Variants in ZC3H7B observed in about 807,000 individuals in gnomAD.
ZC3H7B encodes the protein zinc finger CCCH domain-containing protein 7B.
A neutral mutation model predicts 116.0 loss-of-function variants in ZC3H7B; 35 were observed. That is an observed-to-expected ratio of 0.30 (90% CI 0.23 to 0.40). The LOEUF is 0.40. Ranked by LOEUF, ZC3H7B falls within the 10% of genes least tolerant of loss-of-function variation. ZC3H7B has a pLI of 1.00. For synonymous variants in ZC3H7B, 502 were observed against 545.6 expected (o/e 0.92, Z 1.11); for missense variants, 1,011 against 1,321.5 (o/e 0.77, Z 3.64).
intron 1 of ZC3H7B, 97 bp from the exon 2 acceptor site, chr22:41,320,558 G>A (rs561153588): frequency 7.4e-7 from 1 of 1,356,060 alleles, no homozygotes; most frequent in South Asian, 1.2e-5. Context: ...ATGAGAGTGG[G>A]AGTGAGAGCA....
chr22:41,345,455 G>T (rs1215170318), intron 13 of ZC3H7B, among the ~76,000 whole-genome samples: 1 of 151,916 alleles, frequency 6.6e-6, no homozygotes, highest in African/African-American at 2.4e-5. Flanking sequence ...CGTGGTGGCG[G>T]GTGCCTGTAA....
At chr22:41,339,458 T>C (rs1233459399) in intron 9 of ZC3H7B, among the ~76,000 whole-genome samples, 3 of 151,966 alleles carry the variant, frequency 2.0e-5, no homozygotes, top group African/African-American at 7.3e-5. Context: ...AAACCCCCTC[T>C]CTACTAAAAA....
chr22:41,321,722 A>G (rs1200428179), intron 2 of ZC3H7B, among the ~76,000 whole-genome samples: 1 of 152,062 alleles, frequency 6.6e-6, no homozygotes, highest in Admixed American at 6.6e-5. Context: ...TGCAGATGAG[A>G]AAGTTGAGAC....
At chr22:41,344,489 T>C (rs2036561358) in intron 13 of ZC3H7B, among the ~76,000 whole-genome samples, 1 of 152,174 alleles carries the variant, frequency 6.6e-6, no homozygotes, top group Admixed American at 6.5e-5. Flanking sequence ...CCTGATTCCG[T>C]CACACACGCT....
Position 41,356,490 on chromosome 22 carries a change from C to T in ZC3H7B, c.2517+14C>T. On this transcript the variant is annotated intron_variant, in intron 21 of 22. Transcript: ENST00000352645. ...GCGGACATCATGGTAACGCCTCCGCCCTGCATGCTCGGGGCTGCGGTCGGG... is the reference window on the plus strand; with the variant it reads ...GCGGACATCATGGTAACGCCTCCGCTCTGCATGCTCGGGGCTGCGGTCGGG... The T allele has an allele frequency of 1.9e-6, 3 of 1,613,780 alleles. No homozygotes were observed. The highest frequency in any genetic ancestry group is 2.5e-6 in the Non-Finnish European group (3 of 1,179,998).
chr22:41,339,835 T>G lies in ZC3H7B; in HGVS notation c.836T>G (p.Leu279Arg). The change falls in exon 10 of 23, where the codon CTG becomes CGG. Residue 279 changes from leucine to arginine, a missense_variant. This residue lies in a region of ZC3H7B where 322 missense variants were observed against 443.9 expected (regional missense o/e 0.73). Coordinates refer to ENST00000352645, the MANE Select transcript of ZC3H7B (RefSeq NM_017590.6). Reference sequence around the variant, plus strand: ...TCATAGTCTCTGGTCCAGGGTGGCCTGTCTGGCAGCGGCGTGCCTAGTGAG... The same window carrying G: ...TCATAGTCTCTGGTCCAGGGTGGCCGGTCTGGCAGCGGCGTGCCTAGTGAG... ...LDSLSLVQGG[L>R]SGSGVPSELP... 6.2e-7 allele frequency: 1 copy of G among 1,604,642 alleles called. No homozygotes were observed. Among genetic ancestry groups the G allele is most frequent in the Non-Finnish European group, 8.5e-7 (1 of 1,173,756 alleles).
chr22:41,323,081 C>T (rs113988808), intron 2 of ZC3H7B, among the ~76,000 whole-genome samples: 5 of 152,298 alleles, frequency 3.3e-5, no homozygotes, highest in African/African-American at 9.6e-5. Context: ...TTTTCCTGGC[C>T]GCTTCTGGAG....
chr22:41,354,350 T>G (rs1326242221), intron 17 of ZC3H7B, among the ~76,000 whole-genome samples: 1 of 152,168 alleles, frequency 6.6e-6, no homozygotes, highest in East Asian at 1.9e-4. Context: ...TGACCTCACC[T>G]TATCATCAGG....
chr22:41,340,987 G>C, intron 10 of ZC3H7B, 101 bp from the exon 11 acceptor site: 1 of 1,145,662 alleles, frequency 8.7e-7, no homozygotes, highest in East Asian at 2.5e-5. Flanking sequence ...TGTGTGGCCT[G>C]GGGGCTTCTC....
At chr22:41,309,242 C>T (rs1055317754) in intron 1 of ZC3H7B, among the ~76,000 whole-genome samples, 1 of 151,898 alleles carries the variant, frequency 6.6e-6, no homozygotes, top group African/African-American at 2.4e-5. Flanking sequence ...GATCTCCTGA[C>T]CTCGTGATCC....
At chr22:41,339,260 G>A (rs2145928394) in intron 9 of ZC3H7B, 69 bp downstream of exon 9, 1 of 1,514,396 alleles carries the variant, frequency 6.6e-7, no homozygotes, top group African/African-American at 1.4e-5. Context: ...TGTCCCAGGG[G>A]TGGAGGGAAG....
intron 10 of ZC3H7B, 71 bp from the exon 11 acceptor site, chr22:41,341,017 G>T: frequency 6.7e-7 from 1 of 1,486,546 alleles, no homozygotes; most frequent in Non-Finnish European, 9.3e-7. Flanking sequence ...AATACATAAG[G>T]GGAAGCCCTA....
At chr22:41,330,955 G>A (rs1454989141) in intron 6 of ZC3H7B, among the ~76,000 whole-genome samples, 1 of 139,308 alleles carries the variant, frequency 7.2e-6, no homozygotes, top group East Asian at 2.6e-4. Flanking sequence ...TGCAAGCTCC[G>A]CCTCCCGGGT....
At position 41,339,792 on chromosome 22, in the gene ZC3H7B, C is replaced by T. The variant is rs760461098; in HGVS notation, c.817-24C>T. On this transcript the variant is annotated intron_variant, in intron 9 of 22. Coordinates refer to ENST00000352645, the MANE Select transcript of ZC3H7B (RefSeq NM_017590.6). ...TGGGCAGTCCTGTTTTCCTCTGACC[C>T]CTCCCTCTGTCCCTGCCTCATAGTC... 41 of 1,561,382 alleles carry T rather than the reference C, an allele frequency of 2.6e-5. No individual in the cohort carries two copies. In the Admixed American group the frequency reaches 7.2e-4, roughly 28 times the overall value.
chr22:41,317,754 A>G (rs556496702), intron 1 of ZC3H7B, among the ~76,000 whole-genome samples: 5 of 152,122 alleles, frequency 3.3e-5, no homozygotes, highest in Non-Finnish European at 7.4e-5. Flanking sequence ...ACTGCACTCC[A>G]TCCTGGGCAA....
rs149734438 is a variant in ZC3H7B at position 41,330,297 on chromosome 22, G to A, written c.525+194G>A. ...TTCGGAAAAGGAGAGAGCAGCCACCGCTTCTAGCTCACTTTAGACTCCAAC... is the reference window on the plus strand; with the variant it reads ...TTCGGAAAAGGAGAGAGCAGCCACCACTTCTAGCTCACTTTAGACTCCAAC... On this transcript the variant is annotated intron_variant, in intron 6 of 22. Transcript: ENST00000352645. Among the ~76,000 whole-genome samples, 896 of 152,338 alleles carry A rather than the reference G, an allele frequency of 5.9e-3. 9 individuals carry two copies. The highest frequency in any genetic ancestry group is 0.02 in the African/African-American group (849 of 41,580).
intron 2 of ZC3H7B, among the ~76,000 whole-genome samples, chr22:41,325,046 G>A (rs1813291960): frequency 6.6e-6 from 1 of 152,176 alleles, no homozygotes; most frequent in South Asian, 2.1e-4. Flanking sequence ...GGCCTCCTAG[G>A]CCCAAGTGTG....
chr22:41,339,298 G>C (rs1484601778), intron 9 of ZC3H7B, 107 bp downstream of exon 9: 1 of 1,362,434 alleles, frequency 7.3e-7, no homozygotes, highest in Non-Finnish European at 9.8e-7. Context: ...ATGTGTCTCA[G>C]GAGGAGGCCT....
intron 17 of ZC3H7B, among the ~76,000 whole-genome samples, chr22:41,352,936 C>T (rs775238300): frequency 2.9e-4 from 43 of 145,916 alleles, no homozygotes; most frequent in African/African-American, 9.7e-4. Context: ...AAAAATTAGC[C>T]GGGCATGGTG....
Sources: gnomAD v4.1 joint callset for allele counts (sites outside exome capture counted in the v4.1 genomes callset) on GRCh38, gnomAD v4.1.1 for gene constraint, gnomAD v4.1.1 regional missense constraint, MANE v1.5 for transcripts, NCBI Gene and HGNC (gene_info 2026-07-23, HGNC 2026-07-21) for gene names.